The following SYT9 variants were observed in gnomAD, a reference collection of about 807,000 sequenced individuals.
The protein encoded by SYT9 is synaptotagmin 9, also known as synaptotagmin-9.
A neutral mutation model predicts 48.4 loss-of-function variants in SYT9; 22 were observed. The ratio of observed to expected loss-of-function variants is 0.45; its 90% CI spans 0.32 to 0.65. The LOEUF is 0.65. SYT9 is among the 30% of genes least tolerant of loss of function. SYT9 has a pLI of 0.03. For synonymous variants in SYT9, 265 were observed against 245.0 expected, an observed-to-expected ratio of 1.08 and a Z score of -0.76; for missense variants, 577 against 622.0, an observed-to-expected ratio of 0.93 and a Z score of 0.77.
Position 7,339,738 on chromosome 11 carries a change from G to A in SYT9, c.1044+25797G>A, listed in dbSNP as rs371214514. On this transcript the variant is annotated intron_variant, in intron 3 of 6. Transcript: ENST00000318881. Reference sequence around the variant, plus strand: ...CTGAGAAGTCTGTTGTTAGTCTGATGGTGTTCCCTTTGTAGGTGACCAGTC... The same window carrying A: ...CTGAGAAGTCTGTTGTTAGTCTGATAGTGTTCCCTTTGTAGGTGACCAGTC... 5.7e-4 allele frequency among the ~76,000 whole-genome samples: 86 copies of A among 152,186 alleles called. No homozygotes were observed. The South Asian group carries it at 0.017, about 30-fold the overall frequency.
At chr11:7,287,959 C>A (rs1482280500) in intron 1 of SYT9, among the ~76,000 whole-genome samples, 1 of 152,096 alleles carries the variant, frequency 6.6e-6, no homozygotes, top group African/African-American at 2.4e-5. Context: ...ATTATTTAAG[C>A]CCTGTGCACC....
intron 3 of SYT9, among the ~76,000 whole-genome samples, chr11:7,333,926 T>A (rs16924992): frequency 0.011 from 1,664 of 152,312 alleles, 29 homozygotes; most frequent in African/African-American, 0.038. Flanking sequence ...AAACATAACA[T>A]TGCACAGATA....
At chr11:7,320,362 C>A (rs7130161) in intron 3 of SYT9, among the ~76,000 whole-genome samples, 2 of 151,982 alleles carry the variant, frequency 1.3e-5, no homozygotes, top group Non-Finnish European at 1.5e-5. Context: ...TCAGAGAACT[C>A]TTTTTCTGAG....
At chr11:7,375,113 G>A (rs183063001) in intron 3 of SYT9, among the ~76,000 whole-genome samples, 14 of 152,134 alleles carry the variant, frequency 9.2e-5, no homozygotes, top group Non-Finnish European at 1.9e-4. Context: ...TAAGGAAGGG[G>A]TCCAGTCTCA....
intron 1 of SYT9, among the ~76,000 whole-genome samples, chr11:7,261,899 C>CT (rs1848087196): frequency 6.6e-6 from 1 of 152,130 alleles, no homozygotes; most frequent in Admixed American, 6.6e-5. Context: ...AAAAAAGTGA[C>CT]TTTTACTTGC....
chr11:7,386,648 A>G lies in SYT9; in HGVS notation c.1045-29394A>G, dbSNP rs533622159. 2.6e-5 allele frequency among the ~76,000 whole-genome samples: 4 copies of G among 152,320 alleles called. No homozygotes were observed. In the East Asian group the frequency reaches 7.7e-4, roughly 29 times the overall value. ...GCGATCATTAAAATGTCAGGAAACA[A>G]CAGGTGCTGGAGAGGATGTGGAGAA... is the stretch of plus-strand genomic sequence containing the variant. On this transcript the variant is annotated intron_variant, in intron 3 of 6. Coordinates refer to ENST00000318881, the MANE Select transcript of SYT9 (RefSeq NM_175733.4).
rs1044764764 is a variant in SYT9, at chr11:7,414,694, T to C, written c.1045-1348T>C. On this transcript the variant is annotated intron_variant, in intron 3 of 6. Transcript: ENST00000318881. ...TTTACACTGGGCAAGCAATGCATGA[T>C]GCAAGAAGACACAGAGTCTGCCTTA... Among the ~76,000 whole-genome samples, 6 of 152,302 alleles carry C rather than the reference T, an allele frequency of 3.9e-5. No homozygotes were observed. In the South Asian group the frequency reaches 1.0e-3, roughly 26 times the overall value.
chr11:7,253,539 A>G (rs1052227485), intron 1 of SYT9, among the ~76,000 whole-genome samples: 3 of 151,944 alleles, frequency 2.0e-5, no homozygotes, highest in Admixed American at 1.3e-4. Context: ...GTCATCTGCT[A>G]AAATTTTAAA....
At chr11:7,376,209 T>G (rs1261054844) in intron 3 of SYT9, among the ~76,000 whole-genome samples, 1 of 152,032 alleles carries the variant, frequency 6.6e-6, no homozygotes, top group Admixed American at 6.6e-5. Flanking sequence ...ACAAATATAT[T>G]TAATAAATGA....
intron 6 of SYT9, among the ~76,000 whole-genome samples, chr11:7,442,986 C>CAGAG (rs146201164): frequency 6.6e-6 from 1 of 150,666 alleles, no homozygotes; most frequent in Non-Finnish European, 1.5e-5. Context: ...GGGAGAAAAG[C>CAGAG]AGAGAGAGAG....
At chr11:7,423,635 T>C (rs1877851) in intron 6 of SYT9, among the ~76,000 whole-genome samples, 73,956 of 152,052 alleles carry the variant, frequency 0.49, 20,023 homozygotes, top group Non-Finnish European at 0.6. Flanking sequence ...TTATTATGTA[T>C]GCCCCACATT....
At chr11:7,347,294 C>T (rs979073204) in intron 3 of SYT9, among the ~76,000 whole-genome samples, 8 of 151,890 alleles carry the variant, frequency 5.3e-5, no homozygotes, top group African/African-American at 1.7e-4. Context: ...TGCGATGGCA[C>T]GATCTCAGCT....
At chr11:7,451,286 T>C (rs1196639537) in intron 6 of SYT9, among the ~76,000 whole-genome samples, 1 of 152,220 alleles carries the variant, frequency 6.6e-6, no homozygotes. Flanking sequence ...TACTCTTTTT[T>C]ACTTTAGAAG....
intron 3 of SYT9, among the ~76,000 whole-genome samples, chr11:7,352,583 T>G (rs2134005069): frequency 6.6e-6 from 1 of 152,360 alleles, no homozygotes; most frequent in South Asian, 2.1e-4. Context: ...ATATTGATGT[T>G]ATTTAAGAAT....
At chr11:7,392,210 A>C (rs2134062235) in intron 3 of SYT9, among the ~76,000 whole-genome samples, 1 of 152,098 alleles carries the variant, frequency 6.6e-6, no homozygotes, top group South Asian at 2.1e-4. Flanking sequence ...GTATTTCCTA[A>C]GTTTTCTTCT....
At chr11:7,345,454 A>T (rs543935759) in intron 3 of SYT9, among the ~76,000 whole-genome samples, 1 of 152,176 alleles carries the variant, frequency 6.6e-6, no homozygotes, top group Non-Finnish European at 1.5e-5. Context: ...CCTCTCTGTC[A>T]TTGTCAGAAG....
chr11:7,416,112 C>G lies in SYT9; in HGVS notation c.1115C>G (p.Thr372Ser). 1.2e-6 allele frequency: 2 copies of G among 1,614,124 alleles called. No homozygotes were observed. The highest frequency in any genetic ancestry group is 1.7e-6 in the Non-Finnish European group (2 of 1,180,016). The change falls in exon 4 of 7, where the codon ACC (threonine) becomes AGC (serine). Residue 372 changes from threonine (T) to serine (S), a missense_variant. Transcript: ENST00000318881. ...CCAACGGCTGGCAGGCTGACCATTA[C>G]CATTATAAAAGCAAGGAATTTAAAG... ...YLPTAGRLTITIIKARNLKAM... is the reference protein window; with the variant it reads ...YLPTAGRLTISIIKARNLKAM...
At chr11:7,403,578 G>GACAC (rs1482581326) in intron 3 of SYT9, among the ~76,000 whole-genome samples, 34 of 151,518 alleles carry the variant, frequency 2.2e-4, no homozygotes, top group African/African-American at 8.1e-4. Context: ...GAGAGAGAGA[G>GACAC]AGACACACAC....
intron 5 of SYT9, 98 bp from the exon 6 acceptor site, chr11:7,420,405 CAAA>C: frequency 6.9e-7 from 1 of 1,456,886 alleles, no homozygotes; most frequent in Non-Finnish European, 9.4e-7. Flanking sequence ...AACAAACAAA[CAAA>C]AAACCACATC....
Sources: gnomAD v4.1 joint callset for allele counts (sites outside exome capture counted in the v4.1 genomes callset) on GRCh38, gnomAD v4.1.1 for gene constraint, MANE v1.5 for transcripts, NCBI Gene and HGNC (gene_info 2026-07-23, HGNC 2026-07-21) for gene names.